The following PARP15 variants were observed in gnomAD, a reference collection of about 807,000 sequenced individuals.
PARP15 encodes protein mono-ADP-ribosyltransferase PARP15.
PARP15 carries 50 observed loss-of-function variants against 62.1 expected under a neutral mutation model. The ratio of observed to expected loss-of-function variants is 0.81; its 90% CI spans 0.64 to 1.02. The LOEUF (loss-of-function observed/expected upper bound fraction) is 1.02, where lower values mean the gene tolerates loss of function less well. Ranked by LOEUF, PARP15 falls within the 50% of genes least tolerant of loss-of-function variation. The pLI, the probability that PARP15 is intolerant of heterozygous loss-of-function variation, is 0.00. For synonymous variants in PARP15, 309 were observed against 293.1 expected (o/e 1.05, Z -0.55); for missense variants, 820 against 826.5 (o/e 0.99, Z 0.10).
chr3:122,610,797 G>C (rs1935511667), intron 3 of PARP15, 67 bp downstream of exon 3: 3 of 1,381,258 alleles, frequency 2.2e-6, no homozygotes, highest in Non-Finnish European at 2.9e-6. Flanking sequence ...GTGTGGTATA[G>C]ATCTGTGCTC....
intron 9 of PARP15, 37 bp from the exon 10 acceptor site, chr3:122,632,049 A>G (rs754276954): frequency 6.2e-7 from 1 of 1,613,630 alleles, no homozygotes; most frequent in Non-Finnish European, 8.5e-7. Flanking sequence ...GTCTTTGGAA[A>G]TGAATGTTGT....
chr3:122,595,067 G>A, intron 1 of PARP15, among the ~76,000 whole-genome samples: 1 of 152,176 alleles, frequency 6.6e-6, no homozygotes, highest in Admixed American at 6.5e-5. Context: ...AGGCTGCACA[G>A]GTGATAAGGA....
intron 7 of PARP15, among the ~76,000 whole-genome samples, chr3:122,621,157 A>G (rs1414263292): frequency 1.3e-5 from 2 of 152,194 alleles, no homozygotes; most frequent in African/African-American, 4.8e-5. Context: ...TGTAATGGGG[A>G]AAACAGTACC....
rs528927188 is a variant in PARP15, at chr3:122,596,508, A to G, written c.187-9428A>G. On this transcript the variant is annotated intron_variant, in intron 1 of 11. Coordinates refer to ENST00000464300, the MANE Select transcript of PARP15 (RefSeq NM_001113523.3). Reference sequence around the variant, plus strand: ...CTATCCTCCTAGTTGCTCAGACCAAAGCCCAGGAGTCATCTTGACTCTTCT... The same window carrying G: ...CTATCCTCCTAGTTGCTCAGACCAAGGCCCAGGAGTCATCTTGACTCTTCT... Among the ~76,000 whole-genome samples the G allele has an allele frequency of 1.9e-4, 29 of 152,246 alleles. No homozygotes were observed. In the South Asian group the frequency reaches 4.2e-3, roughly 22 times the overall value.
chr3:122,578,474 C>G (rs2080730940), intron 1 of PARP15, among the ~76,000 whole-genome samples: 1 of 151,966 alleles, frequency 6.6e-6, no homozygotes, highest in Non-Finnish European at 1.5e-5. Context: ...GTCCCAACAC[C>G]ATTTATTATA....
chr3:122,599,279 G>A (rs550563644), intron 1 of PARP15, among the ~76,000 whole-genome samples: 64 of 152,096 alleles, frequency 4.2e-4, no homozygotes, highest in Admixed American at 1.8e-3. Flanking sequence ...GAGGTGAGAG[G>A]AAGATCACTT....
At chr3:122,609,647 G>A (rs111421467) in intron 2 of PARP15, among the ~76,000 whole-genome samples, 1 of 150,410 alleles carries the variant, frequency 6.6e-6, no homozygotes, top group Non-Finnish European at 1.5e-5. Flanking sequence ...GCAGTGAGCC[G>A]AGATCATGCC....
At chr3:122,593,128 C>CTATCTATCTATG (rs1934071222) in intron 1 of PARP15, among the ~76,000 whole-genome samples, 1 of 148,136 alleles carries the variant, frequency 6.8e-6, no homozygotes, top group Non-Finnish European at 1.5e-5. Context: ...ATCTATGTAT[C>CTATCTATCTATG]TATCTATCAT....
Position 122,621,553 on chromosome 3 carries a change from T to C in PARP15, c.1173T>C (p.Val391=). The stretch of plus-strand genomic sequence containing the variant: ...ATGTCAGGAAAACGGTCACCAGTGT[T>C]CTAGAAGAGTGTGAACAGAGGAAGT... ...GKDVRKTVTS[V]LEECEQRKYT... Residue 391 remains valine, a synonymous_variant, in exon 8 of 12, where the codon GTT becomes GTC. Transcript: ENST00000464300. 1 of 1,614,000 alleles carries C rather than the reference T, an allele frequency of 6.2e-7. No homozygotes were observed. The highest frequency in any genetic ancestry group is 8.5e-7 in the Non-Finnish European group (1 of 1,179,974).
At chr3:122,608,836 C>T (rs567025031) in intron 2 of PARP15, among the ~76,000 whole-genome samples, 57 of 150,666 alleles carry the variant, frequency 3.8e-4, no homozygotes, top group Admixed American at 1.5e-3. Context: ...GGCGCAGTCA[C>T]GGTTCACTGC....
chr3:122,629,760 G>A (rs147957338), intron 9 of PARP15, among the ~76,000 whole-genome samples: 3 of 152,142 alleles, frequency 2.0e-5, no homozygotes, highest in South Asian at 2.1e-4. Context: ...ATCTGGGGGT[G>A]ATGGGAGACA....
At chr3:122,625,008 CT>C (rs879306799) in intron 8 of PARP15, among the ~76,000 whole-genome samples, 63 of 146,560 alleles carry the variant, frequency 4.3e-4, no homozygotes, top group South Asian at 1.1e-3. Flanking sequence ...TTTACCATTA[CT>C]TTTTTTTTTT....
chr3:122,619,209 T>C (rs768683964), intron 6 of PARP15, among the ~76,000 whole-genome samples: 1 of 152,194 alleles, frequency 6.6e-6, no homozygotes, highest in African/African-American at 2.4e-5. Context: ...ATTAGTCACA[T>C]ACTAGCTAGT....
At chr3:122,620,423 G>A (rs1936264151) in intron 7 of PARP15, among the ~76,000 whole-genome samples, 1 of 152,170 alleles carries the variant, frequency 6.6e-6, no homozygotes. Context: ...TTGCAGAGTA[G>A]GGTAGACACT....
At chr3:122,602,156 G>C (rs932054084) in intron 1 of PARP15, among the ~76,000 whole-genome samples, 1 of 151,932 alleles carries the variant, frequency 6.6e-6, no homozygotes, top group Non-Finnish European at 1.5e-5. Context: ...TACTTATCAG[G>C]TGCATTCATA....
At chr3:122,585,793 C>T (rs368933847) in intron 1 of PARP15, among the ~76,000 whole-genome samples, 31 of 152,334 alleles carry the variant, frequency 2.0e-4, no homozygotes, top group African/African-American at 7.5e-4. Context: ...TATTCCATTT[C>T]TGGAACTTTA....
At chr3:122,585,901 T>C (rs13433833) in intron 1 of PARP15, among the ~76,000 whole-genome samples, 27,501 of 152,226 alleles carry the variant, frequency 0.18, 3,068 homozygotes, top group Admixed American at 0.27. Context: ...GCAAATGTCT[T>C]TTTTAAAGAT....
At chr3:122,621,395 C>A (rs754596056) in intron 7 of PARP15, 49 bp from the exon 8 acceptor site, 2 of 1,537,262 alleles carry the variant, frequency 1.3e-6, no homozygotes, top group Non-Finnish European at 1.7e-6. Context: ...AAAGTGTTGC[C>A]TCCAGTAATT....
Position 122,638,751 on chromosome 3 carries a change from GC to G in PARP15, c.*2653del, listed in dbSNP as rs1937484369. ...AAAATTTTCTCCCATTCTGTAGGTT[GC>G]CTGTTCACTCTGATGGTAGTTTCTT... On this transcript the variant is annotated 3_prime_UTR_variant, in exon 12 of 12. Transcript: ENST00000464300. The G allele has an allele frequency of 6.6e-6, 1 of 152,034 alleles. No individual in the cohort carries two copies. The allele number at this position is 152,034 out of a possible 1,614,324, so 9.4% of individuals were successfully genotyped here.
Sources: allele counts gnomAD v4.1 joint callset (sites outside exome capture counted in the v4.1 genomes callset), GRCh38; gene constraint gnomAD v4.1.1; transcripts MANE v1.5; gene names NCBI Gene and HGNC (gene_info 2026-07-23, HGNC 2026-07-21).